KCNIP1: variants seen among roughly 807,000 people sequenced by gnomAD.
KCNIP1 encodes A-type potassium channel modulatory protein KCNIP1.
A neutral mutation model predicts 33.0 loss-of-function variants in KCNIP1; 18 were observed. The observed-to-expected ratio is 0.55, with a 90% CI of 0.38 to 0.81. KCNIP1 has a LOEUF of 0.81. Ranked by LOEUF, KCNIP1 falls within the 30% of genes least tolerant of loss-of-function variation. KCNIP1 has a pLI of 0.00. For missense variants in KCNIP1, 238 were observed against 271.6 expected, an observed-to-expected ratio of 0.88 and a Z score of 0.87; for synonymous variants, 93 against 98.3, an observed-to-expected ratio of 0.95 and a Z score of 0.32.
At chr5:170,417,758 GA>G (rs1755369426) in intron 1 of KCNIP1, among the ~76,000 whole-genome samples, 2 of 152,168 alleles carry the variant, frequency 1.3e-5, no homozygotes, top group African/African-American at 4.8e-5. Flanking sequence ...CCTGAACATA[GA>G]GTAGCATCTG....
chr5:170,520,462 G>A (rs866764010), intron 1 of KCNIP1, among the ~76,000 whole-genome samples: 1 of 152,222 alleles, frequency 6.6e-6, no homozygotes, highest in African/African-American at 2.4e-5. Context: ...ATGGTAGACT[G>A]AATCCCAGTT....
At chr5:170,553,915 C>T (rs982202882) in intron 1 of KCNIP1, among the ~76,000 whole-genome samples, 3 of 152,160 alleles carry the variant, frequency 2.0e-5, no homozygotes, top group Non-Finnish European at 1.5e-5. Flanking sequence ...TGTTTACATC[C>T]AACTCAATAT....
Position 170,442,764 on chromosome 5 carries a change from G to C in KCNIP1, c.88+88800G>C, listed in dbSNP as rs77829628. 6.9e-3 allele frequency among the ~76,000 whole-genome samples: 1,047 copies of C among 152,322 alleles called. 11 individuals carry two copies. Among genetic ancestry groups the C allele is most frequent in the African/African-American group, 0.024 (1,010 of 41,562 alleles). On this transcript the variant is annotated intron_variant, in intron 1 of 7. Transcript: ENST00000377360. ...TATGCAGAATGATATTGTCAGTGTA[G>C]ACATGTTTCACACAGAGGAGAACTC...
chr5:170,440,846 G>A (rs1006587764), intron 1 of KCNIP1, among the ~76,000 whole-genome samples: 5 of 152,120 alleles, frequency 3.3e-5, no homozygotes, highest in Non-Finnish European at 7.4e-5. Flanking sequence ...AAAAGTGGAG[G>A]GTATGTCCTT....
chr5:170,363,025 G>A (rs568863792), intron 1 of KCNIP1, among the ~76,000 whole-genome samples: 2 of 152,186 alleles, frequency 1.3e-5, no homozygotes, highest in Non-Finnish European at 1.5e-5. Flanking sequence ...CATTTCAAAC[G>A]CAACAGGAAA....
chr5:170,371,462 T>C (rs920281051), intron 1 of KCNIP1, among the ~76,000 whole-genome samples: 3 of 152,164 alleles, frequency 2.0e-5, no homozygotes. Context: ...ACTTTTGATA[T>C]GGGGTAAAGA....
chr5:170,665,722 CCTT>C (rs1761677952), intron 1 of KCNIP1, among the ~76,000 whole-genome samples: 2 of 119,062 alleles, frequency 1.7e-5, no homozygotes, highest in Non-Finnish European at 3.6e-5. Context: ...AGGCATGTCT[CCTT>C]AGACTCTTCT....
chr5:170,412,098 C>CA (rs1755208853), intron 1 of KCNIP1, among the ~76,000 whole-genome samples: 1 of 152,196 alleles, frequency 6.6e-6, no homozygotes, highest in Non-Finnish European at 1.5e-5. Flanking sequence ...AAAGAAAGGA[C>CA]AAACGGTTGA....
chr5:170,360,163 G>A (rs960609934), intron 1 of KCNIP1, among the ~76,000 whole-genome samples: 4 of 152,262 alleles, frequency 2.6e-5, no homozygotes, highest in Middle Eastern at 3.4e-3. Context: ...ATCTTCCCCA[G>A]TCTTCTTAGG....
chr5:170,572,750 C>T (rs1313349335), intron 1 of KCNIP1, among the ~76,000 whole-genome samples: 1 of 152,220 alleles, frequency 6.6e-6, no homozygotes, highest in Admixed American at 6.5e-5. Context: ...GCACAGGTTG[C>T]TGCACATGTT....
chr5:170,725,429 A>G (rs1027170256), intron 5 of KCNIP1, among the ~76,000 whole-genome samples: 4 of 152,218 alleles, frequency 2.6e-5, no homozygotes, highest in Non-Finnish European at 4.4e-5. Flanking sequence ...ACAGAAAGAC[A>G]AACATCCCAT....
In KCNIP1 at chr5:170,675,402, G is replaced by A. The variant is rs1005947847; in HGVS notation, c.62-43356G>A. On this transcript the variant is annotated intron_variant, in intron 1 of 7. Coordinates refer to ENST00000328939, the MANE Select transcript of KCNIP1 (RefSeq NM_014592.4). ...TGGGAGGCCAAGGCAGGCGGATCAC[G>A]AGGTCAGGAGATCAAGACCACCCTG... 1.1e-4 allele frequency among the ~76,000 whole-genome samples: 16 copies of A among 152,182 alleles called. No individual in the cohort carries two copies. In the East Asian group the frequency reaches 1.2e-3, roughly 11 times the overall value.
intron 1 of KCNIP1, among the ~76,000 whole-genome samples, chr5:170,472,117 G>A (rs777534760): frequency 2.6e-4 from 39 of 152,164 alleles, no homozygotes; most frequent in Non-Finnish European, 5.3e-4. Context: ...GGAGTCAGGA[G>A]ACCTGGGACT....
intron 5 of KCNIP1, among the ~76,000 whole-genome samples, chr5:170,726,500 T>C (rs551794169): frequency 3.4e-4 from 51 of 152,088 alleles, no homozygotes; most frequent in African/African-American, 1.1e-3. Flanking sequence ...TGTGGAGCAA[T>C]AGAAACTCTC....
intron 1 of KCNIP1, among the ~76,000 whole-genome samples, chr5:170,599,131 C>T (rs541229585): frequency 2.0e-5 from 3 of 152,068 alleles, no homozygotes; most frequent in Non-Finnish European, 4.4e-5. Context: ...ATAGAACTGA[C>T]TCACTCCTCC....
At chr5:170,542,808 G>A (rs939617961) in intron 1 of KCNIP1, among the ~76,000 whole-genome samples, 7 of 152,236 alleles carry the variant, frequency 4.6e-5, no homozygotes, top group South Asian at 2.1e-4. Flanking sequence ...TCGTTCACTC[G>A]CTCAAAATAT....
chr5:170,534,218 A>G (rs1307950374), intron 1 of KCNIP1, among the ~76,000 whole-genome samples: 2 of 152,202 alleles, frequency 1.3e-5, no homozygotes, highest in African/African-American at 4.8e-5. Flanking sequence ...TGGAATGGAA[A>G]GTTCCTAATT....
At chr5:170,684,679 C>A (rs998413218) in intron 1 of KCNIP1, among the ~76,000 whole-genome samples, 3 of 152,188 alleles carry the variant, frequency 2.0e-5, no homozygotes, top group South Asian at 2.1e-4. Context: ...GACCTCCCAC[C>A]AGCGGGAGTT....
intron 1 of KCNIP1, among the ~76,000 whole-genome samples, chr5:170,506,731 C>T (rs1295949239): frequency 2.0e-5 from 3 of 152,188 alleles, no homozygotes; most frequent in East Asian, 1.9e-4. Flanking sequence ...GTTTGAGGCT[C>T]ATAGCAGGTT....
Sources: gnomAD v4.1 joint callset for allele counts (sites outside exome capture counted in the v4.1 genomes callset) on GRCh38, gnomAD v4.1.1 for gene constraint, MANE v1.5 for transcripts, NCBI Gene and HGNC (gene_info 2026-07-23, HGNC 2026-07-21) for gene names.